MEGF11: variants seen among roughly 807,000 people sequenced by gnomAD.
MEGF11 encodes the protein multiple EGF like domains 11, also known as multiple epidermal growth factor-like domains protein 11.
A neutral mutation model predicts 146.6 loss-of-function variants in MEGF11; 126 were observed. The ratio of observed to expected loss-of-function variants is 0.86; its 90% CI spans 0.74 to 1.00. The LOEUF is 1.00. MEGF11 is among the 50% of genes least tolerant of loss of function. The pLI is 0.00. For missense variants in MEGF11, 1,509 were observed against 1,521.2 expected, an observed-to-expected ratio of 0.99 and a Z score of 0.13; for synonymous variants, 532 against 583.4, an observed-to-expected ratio of 0.91 and a Z score of 1.27.
chr15:66,059,028 G>GT (rs1038372583), intron 5 of MEGF11, among the ~76,000 whole-genome samples: 20 of 152,242 alleles, frequency 1.3e-4, no homozygotes, highest in African/African-American at 4.8e-4. Flanking sequence ...GAGTCTGGGG[G>GT]TGAGTAGGTC....
intron 10 of MEGF11, among the ~76,000 whole-genome samples, chr15:65,941,078 G>C (rs985675218): frequency 6.6e-6 from 1 of 152,182 alleles, no homozygotes; most frequent in Non-Finnish European, 1.5e-5. Context: ...CTTTGGAGGA[G>C]CACAGACACC....
intron 5 of MEGF11, among the ~76,000 whole-genome samples, chr15:66,050,428 C>T (rs2084403246): frequency 6.6e-6 from 1 of 152,122 alleles, no homozygotes; most frequent in Non-Finnish European, 1.5e-5. Flanking sequence ...GAGCAGTGAG[C>T]CATGTGGAGG....
intron 1 of MEGF11, among the ~76,000 whole-genome samples, chr15:66,197,427 GT>G (rs1345907300): frequency 6.6e-6 from 1 of 151,928 alleles, no homozygotes; most frequent in Non-Finnish European, 1.5e-5. Flanking sequence ...TGTTGTTTTT[GT>G]TTTTTGTTTT....
At chr15:65,939,367 CTCAT>C (rs1429606231) in intron 10 of MEGF11, among the ~76,000 whole-genome samples, 2 of 152,146 alleles carry the variant, frequency 1.3e-5, no homozygotes, top group East Asian at 1.9e-4. Flanking sequence ...AGGTGACTTC[CTCAT>C]TCATTCATTC....
intron 1 of MEGF11, among the ~76,000 whole-genome samples, chr15:66,215,624 A>C (rs916892744): frequency 2.6e-5 from 4 of 152,196 alleles, no homozygotes; most frequent in Non-Finnish European, 5.9e-5. Flanking sequence ...CCACCCTCAA[A>C]AATGAGGCAT....
At chr15:65,907,446 C>G (rs1267803817) in intron 23 of MEGF11, among the ~76,000 whole-genome samples, 2 of 152,076 alleles carry the variant, frequency 1.3e-5, no homozygotes, top group African/African-American at 4.8e-5. Flanking sequence ...AGGCATGCAC[C>G]ACCACTCCCA....
intron 1 of MEGF11, among the ~76,000 whole-genome samples, chr15:66,188,120 AC>A (rs35291355): frequency 3.3e-5 from 5 of 151,218 alleles, no homozygotes; most frequent in African/African-American, 9.7e-5. Context: ...ATGTAGTAAC[AC>A]CCCCCCATGC....
At chr15:66,105,988 C>T (rs1471963120) in intron 4 of MEGF11, among the ~76,000 whole-genome samples, 1 of 152,164 alleles carries the variant, frequency 6.6e-6, no homozygotes, top group Non-Finnish European at 1.5e-5. Flanking sequence ...AGGGGCAGTT[C>T]TCTGGCCAGG....
At chr15:66,234,449 CA>C (rs1340875860) in intron 1 of MEGF11, among the ~76,000 whole-genome samples, 1 of 152,224 alleles carries the variant, frequency 6.6e-6, no homozygotes, top group African/African-American at 2.4e-5. Context: ...AGTCCAAGCC[CA>C]CAGCATGTAT....
intron 1 of MEGF11, among the ~76,000 whole-genome samples, chr15:66,210,410 C>G (rs1356057144): frequency 6.6e-6 from 1 of 152,148 alleles, no homozygotes; most frequent in Non-Finnish European, 1.5e-5. Context: ...CCAGCCTTGC[C>G]TGGGAATGAC....
At chr15:66,166,458 G>A (rs2090100371) in intron 1 of MEGF11, among the ~76,000 whole-genome samples, 1 of 152,068 alleles carries the variant, frequency 6.6e-6, no homozygotes, top group Non-Finnish European at 1.5e-5. Context: ...CAGCAGCCAG[G>A]GAGAGCTTTA....
At chr15:65,900,926 TTGAC>T (rs1285151933) in intron 24 of MEGF11, among the ~76,000 whole-genome samples, 1 of 152,200 alleles carries the variant, frequency 6.6e-6, no homozygotes, top group East Asian at 1.9e-4. Context: ...CAGATGCTGG[TTGAC>T]TTTTATTTCA....
rs1340827408 is a variant in MEGF11, at chr15:65,970,832, C to A, written c.763-143G>T. 3.2e-6 allele frequency: 3 copies of A among 928,868 alleles called. No homozygotes were observed. In the Admixed American group the frequency reaches 8.0e-5, roughly 25 times the overall value. The allele number at this position is 928,868 out of a possible 1,614,324, so 57.5% of individuals were successfully genotyped here. On this transcript the variant is annotated intron_variant, in intron 7 of 25. Transcript: ENST00000395614. ...AGCTGGACACCAGGGCTCCAAAGCC[C>A]TCCTCTTAGAGATGGGAGATGGGAG... is the stretch of plus-strand genomic sequence containing the variant.
intron 1 of MEGF11, among the ~76,000 whole-genome samples, chr15:66,170,777 C>T (rs763487513): frequency 1.3e-5 from 2 of 152,120 alleles, no homozygotes; most frequent in African/African-American, 2.4e-5. Context: ...CCCATCCCCA[C>T]CTCCCTCCCC....
At chr15:66,145,194 G>T (rs1296865538) in intron 1 of MEGF11, among the ~76,000 whole-genome samples, 1 of 152,144 alleles carries the variant, frequency 6.6e-6, no homozygotes, top group Non-Finnish European at 1.5e-5. Context: ...CACATCTGAT[G>T]GTGTCTGTTC....
intron 5 of MEGF11, among the ~76,000 whole-genome samples, chr15:66,090,406 C>T: frequency 6.6e-6 from 1 of 152,206 alleles, no homozygotes; most frequent in East Asian, 1.9e-4. Context: ...AAGTCCAAAA[C>T]ATGTTTTAAA....
intron 8 of MEGF11, chr15:65,965,372 T>A (rs2141565392): frequency 2.3e-6 from 1 of 431,850 alleles, no homozygotes; most frequent in East Asian, 3.5e-5. Flanking sequence ...CCATATTTTA[T>A]TGATTCCAAG....
At chr15:66,200,270 T>C (rs905437899) in intron 1 of MEGF11, among the ~76,000 whole-genome samples, 3 of 152,266 alleles carry the variant, frequency 2.0e-5, no homozygotes, top group South Asian at 2.1e-4. Flanking sequence ...TTTCTGGGTT[T>C]TTGTAGTTTT....
intron 5 of MEGF11, among the ~76,000 whole-genome samples, chr15:66,008,631 C>T (rs548988685): frequency 2.6e-5 from 4 of 152,130 alleles, no homozygotes; most frequent in African/African-American, 9.6e-5. Context: ...CCAGACCAGC[C>T]TTGGCAATAT....
Sources: gnomAD v4.1 joint callset for allele counts (sites outside exome capture counted in the v4.1 genomes callset) on GRCh38, gnomAD v4.1.1 for gene constraint, MANE v1.5 for transcripts, NCBI Gene and HGNC (gene_info 2026-07-23, HGNC 2026-07-21) for gene names.